SLC8A1: variants seen among roughly 807,000 people sequenced by gnomAD.
SLC8A1 encodes the protein sodium/calcium exchanger 1.
SLC8A1 carries 18 observed loss-of-function variants against 68.3 expected under a neutral mutation model. That is an observed-to-expected ratio of 0.26 (90% CI 0.18 to 0.39). The LOEUF (loss-of-function observed/expected upper bound fraction) is 0.39, where lower values mean the gene tolerates loss of function less well. Ranked by LOEUF, SLC8A1 falls within the 10% of genes least tolerant of loss-of-function variation. The probability of loss-of-function intolerance (pLI) is 1.00; values close to 1 mark genes in which losing one functional copy is unlikely to be tolerated. For missense variants in SLC8A1, 985 were observed against 1,156.7 expected (o/e 0.85, Z 2.15); for synonymous variants, 475 against 415.5 (o/e 1.14, Z -1.74).
intron 2 of SLC8A1, among the ~76,000 whole-genome samples, chr2:40,393,648 G>C (rs902217282): frequency 2.0e-5 from 3 of 152,086 alleles, no homozygotes; most frequent in Non-Finnish European, 4.4e-5. Context: ...AAACTAATTA[G>C]GGGGATAACT....
chr2:40,356,206 C>T (rs1478472919), intron 2 of SLC8A1, among the ~76,000 whole-genome samples: 1 of 152,142 alleles, frequency 6.6e-6, no homozygotes, highest in Non-Finnish European at 1.5e-5. Flanking sequence ...TCCTACATGC[C>T]TGCCTCCCTC....
chr2:40,437,488 T>C (rs1222367557), intron 1 of SLC8A1, among the ~76,000 whole-genome samples: 2 of 152,102 alleles, frequency 1.3e-5, no homozygotes, highest in Non-Finnish European at 2.9e-5. Context: ...ACTCATGTAG[T>C]AAACTCAAGG....
intron 1 of SLC8A1, among the ~76,000 whole-genome samples, chr2:40,441,512 ATACTAC>A (rs1349060057): frequency 6.6e-6 from 1 of 152,136 alleles, no homozygotes; most frequent in African/African-American, 2.4e-5. Context: ...ACTTCAAACT[ATACTAC>A]TACAAGACTA....
At chr2:40,435,121 G>C (rs1007358540) in intron 1 of SLC8A1, among the ~76,000 whole-genome samples, 4 of 152,164 alleles carry the variant, frequency 2.6e-5, no homozygotes, top group African/African-American at 7.2e-5. Context: ...TTGATTGGCA[G>C]CTGGGGTTAT....
chr2:40,475,606 G>A (rs143557185), intron 1 of SLC8A1, among the ~76,000 whole-genome samples: 8 of 151,790 alleles, frequency 5.3e-5, no homozygotes, highest in Admixed American at 1.3e-4. Context: ...CATGACATAT[G>A]TACATGTACA....
intron 2 of SLC8A1, among the ~76,000 whole-genome samples, chr2:40,334,975 G>A (rs190413665): frequency 3.3e-5 from 5 of 152,146 alleles, no homozygotes; most frequent in South Asian, 2.1e-4. Context: ...CAGTAAATTC[G>A]GTCATCCCTG....
At chr2:40,293,560 G>T (rs1319805548) in intron 2 of SLC8A1, among the ~76,000 whole-genome samples, 1 of 152,026 alleles carries the variant, frequency 6.6e-6, no homozygotes, top group Non-Finnish European at 1.5e-5. Context: ...TTTAAACATT[G>T]CTCTCTTCCC....
chr2:40,510,124 C>A (rs1451791521), intron 1 of SLC8A1, among the ~76,000 whole-genome samples: 1 of 152,174 alleles, frequency 6.6e-6, no homozygotes, highest in African/African-American at 2.4e-5. Flanking sequence ...CCGTGCCCGG[C>A]CGCCATTTTG....
chr2:40,386,349 G>A (rs4645043), intron 2 of SLC8A1, among the ~76,000 whole-genome samples: 109,986 of 150,582 alleles, frequency 0.73, 41,681 homozygotes, highest in African/African-American at 0.93. Flanking sequence ...CAGAGCAATA[G>A]AAGTCAATGT....
At chr2:40,305,719 T>C (rs575343707) in intron 2 of SLC8A1, among the ~76,000 whole-genome samples, 1 of 152,318 alleles carries the variant, frequency 6.6e-6, no homozygotes, top group South Asian at 2.1e-4. Flanking sequence ...TCTACTTCAC[T>C]GACATAATTC....
At position 40,211,793 on chromosome 2, in the gene SLC8A1, CTT is replaced by C. The variant is rs1314109775; in HGVS notation, c.1809-33940_1809-33939del. Among the ~76,000 whole-genome samples the C allele has an allele frequency of 5.3e-5, 8 of 152,256 alleles. No individual in the cohort carries two copies. In the East Asian group the frequency reaches 1.5e-3, roughly 29 times the overall value. ...TGAAAAACCCAGGTTCTAGGGTCCT[CTT>C]TTATTTCATGGGAGTGATACAGAAT... On this transcript the variant is annotated intron_variant, in intron 2 of 7. Coordinates refer to ENST00000406785, the Ensembl canonical transcript of SLC8A1.
chr2:40,421,803 C>G (rs1364410764), intron 2 of SLC8A1, among the ~76,000 whole-genome samples: 2 of 152,146 alleles, frequency 1.3e-5, no homozygotes, highest in East Asian at 3.9e-4. Context: ...TAGCCTGGCT[C>G]TATAGTGAAA....
chr2:40,358,859 T>A (rs73926617), intron 2 of SLC8A1, among the ~76,000 whole-genome samples: 1,976 of 152,294 alleles, frequency 0.013, 42 homozygotes, highest in African/African-American at 0.044. Context: ...AGGAGGGATA[T>A]GCTTCTACAA....
chr2:40,219,875 A>ATTT lies in SLC8A1; in HGVS notation c.1809-42023_1809-42021dup, dbSNP rs1162934399. On this transcript the variant is annotated intron_variant, in intron 2 of 7. Coordinates refer to ENST00000406785, the Ensembl canonical transcript of SLC8A1. ...TCCAACAGAGCCTCCCTACTATAGG[A>ATTT]TTTTTTTTTTTTTTTTTTTTTTTTT... Among the ~76,000 whole-genome samples the ATTT allele has an allele frequency of 3.9e-3, 109 of 27,686 alleles. 6 individuals are homozygous for ATTT. Among genetic ancestry groups the ATTT allele is most frequent in the African/African-American group, 8.7e-3 (95 of 10,864 alleles). 18.2% of individuals were successfully genotyped at this position (27,686 alleles called of 152,430 possible).
chr2:40,210,120 G>A (rs2056312611), intron 2 of SLC8A1: 1 of 152,080 alleles, frequency 6.6e-6, no homozygotes, highest in Non-Finnish European at 1.5e-5. Flanking sequence ...ATCTATCTTT[G>A]GGGAGGGTTT....
intron 2 of SLC8A1, among the ~76,000 whole-genome samples, chr2:40,309,661 A>T (rs2073323946): frequency 6.6e-6 from 1 of 152,080 alleles, no homozygotes; most frequent in Middle Eastern, 3.4e-3. Context: ...GTGTGCCACC[A>T]TGCCCAGCTA....
At chr2:40,452,946 A>G (rs1299226597), upstream of SLC8A1, among the ~76,000 whole-genome samples, 2 of 152,210 alleles carry the variant, frequency 1.3e-5, no homozygotes, top group Non-Finnish European at 2.9e-5. Flanking sequence ...AACCTAATGC[A>G]GCAATCGACG....
In SLC8A1 at chr2:40,280,639, T is replaced by C. The variant is rs564675363; in HGVS notation, c.1809-102784A>G. Among the ~76,000 whole-genome samples, 4 of 152,326 alleles carry C rather than the reference T, an allele frequency of 2.6e-5. No individual in the cohort carries two copies. The East Asian group carries it at 7.7e-4, about 29-fold the overall frequency. On this transcript the variant is annotated intron_variant, in intron 2 of 7. Coordinates refer to ENST00000406785, the Ensembl canonical transcript of SLC8A1. ...AATAAAAGATTGAATCCCTGCCTTC[T>C]GGGGTCTTACACTTCAGCAAAGAGG...
intron 2 of SLC8A1, among the ~76,000 whole-genome samples, chr2:40,403,290 G>T (rs1310633225): frequency 6.6e-6 from 1 of 152,124 alleles, no homozygotes; most frequent in Admixed American, 6.5e-5. Context: ...GCATTAAGAA[G>T]AAATAAACTC....
Sources: allele counts gnomAD v4.1 joint callset (sites outside exome capture counted in the v4.1 genomes callset), GRCh38; gene constraint gnomAD v4.1.1; transcripts MANE v1.5; gene names NCBI Gene and HGNC (gene_info 2026-07-23, HGNC 2026-07-21).